The following ANGPT1 variants were observed in gnomAD, a reference collection of about 807,000 sequenced individuals.
The protein encoded by ANGPT1 is angiopoietin-1.
In ANGPT1, 17 loss-of-function variants were observed where a neutral mutation model predicts 62.2. The observed-to-expected ratio is 0.27, with a 90% CI of 0.19 to 0.41. The LOEUF is 0.41. Ranked by LOEUF, ANGPT1 falls within the 10% of genes least tolerant of loss-of-function variation. The pLI, the probability that ANGPT1 is intolerant of heterozygous loss-of-function variation, is 1.00. For missense variants in ANGPT1, 478 were observed against 594.9 expected (o/e 0.80, Z 2.04); for synonymous variants, 199 against 198.9 (o/e 1.00, Z 0.00).
chr8:107,393,122 G>A (rs1816867081), intron 1 of ANGPT1, among the ~76,000 whole-genome samples: 2 of 152,128 alleles, frequency 1.3e-5, no homozygotes, highest in Non-Finnish European at 2.9e-5. Flanking sequence ...CACCAATCAT[G>A]TTACTTTTTC....
Position 107,380,287 on chromosome 8 carries a change from C to T in ANGPT1, c.298-33190G>A, listed in dbSNP as rs1348944852. On this transcript the variant is annotated intron_variant, in intron 1 of 8. Transcript: ENST00000517746. Reference sequence around the variant, plus strand: ...CTATTCACAAGGCAGCAGTTAAAGGCTACATGATATAATCAATCAACTAGT... The same window carrying T: ...CTATTCACAAGGCAGCAGTTAAAGGTTACATGATATAATCAATCAACTAGT... 3.3e-5 allele frequency among the ~76,000 whole-genome samples: 5 copies of T among 151,826 alleles called. No individual in the cohort carries two copies. In the East Asian group the frequency reaches 9.7e-4, roughly 29 times the overall value.
chr8:107,299,580 TATAG>T lies in ANGPT1; in HGVS notation c.936+3656_936+3659del, dbSNP rs1384804611. Among the ~76,000 whole-genome samples the T allele has an allele frequency of 9.0e-4, 128 of 141,536 alleles. 1 individual carries two copies. The East Asian group carries it at 0.019, about 22-fold the overall frequency. The allele number at this position is 141,536 out of a possible 152,430, so 92.9% of individuals were successfully genotyped here. A position where few individuals can be genotyped will look rare whatever the true frequency, so the allele number is the denominator to read the frequency against. ...AGCATATATAGATATATATAGCATATATAGATATAGACAGCAGATATATAGGTAT... is the reference window on the plus strand; with the variant it reads ...AGCATATATAGATATATATAGCATATATATAGACAGCAGATATATAGGTAT... On this transcript the variant is annotated intron_variant, in intron 5 of 8. Transcript: ENST00000517746.
chr8:107,497,381 C>T lies in ANGPT1; in HGVS notation c.178G>A (p.Asp60Asn), dbSNP rs1343921550. ...HDGNCRESTT[D>N]QYNTNALQRD... is the part of the protein sequence containing the mutation. ...TGCAGAGCGTTTGTGTTGTACTGGT[C>T]TGTCGTACTCTCACGACAGTTGCCA... Residue 60 changes from aspartate (D) to asparagine (N), a missense_variant, in exon 1 of 9, where the codon GAC (aspartate) becomes AAC (asparagine). Asp to Asn is a conservative substitution (Grantham distance 23, BLOSUM62 1). Coordinates refer to ENST00000517746, the MANE Select transcript of ANGPT1 (RefSeq NM_001146.5). The T allele has an allele frequency of 6.2e-7, 1 of 1,614,046 alleles. No individual in the cohort carries two copies. Among genetic ancestry groups the T allele is most frequent in the Non-Finnish European group, 8.5e-7 (1 of 1,180,032 alleles).
intron 1 of ANGPT1, among the ~76,000 whole-genome samples, chr8:107,384,423 A>G (rs1816695238): frequency 6.7e-6 from 1 of 149,830 alleles, no homozygotes; most frequent in African/African-American, 2.4e-5. Context: ...AGGATATTAC[A>G]TGTATATGTA....
chr8:107,300,424 C>G (rs1814559564), intron 5 of ANGPT1, among the ~76,000 whole-genome samples: 1 of 151,576 alleles, frequency 6.6e-6, no homozygotes, highest in Non-Finnish European at 1.5e-5. Context: ...GTAAGAGAAT[C>G]TATGATTATA....
intron 1 of ANGPT1, among the ~76,000 whole-genome samples, chr8:107,454,356 T>G (rs908834127): frequency 6.6e-6 from 1 of 152,138 alleles, no homozygotes; most frequent in Non-Finnish European, 1.5e-5. Context: ...ATGCTGCTAT[T>G]GGACAAGACT....
At chr8:107,428,698 C>A (rs4734967) in intron 1 of ANGPT1, among the ~76,000 whole-genome samples, 1 of 151,582 alleles carries the variant, frequency 6.6e-6, no homozygotes, top group South Asian at 2.1e-4. Flanking sequence ...ATCACAGATA[C>A]CTGCCAGTGC....
chr8:107,476,842 G>A (rs1296510942), intron 1 of ANGPT1, among the ~76,000 whole-genome samples: 4 of 152,126 alleles, frequency 2.6e-5, no homozygotes, highest in Non-Finnish European at 5.9e-5. Flanking sequence ...CTTTGATGAA[G>A]ACTTCTGGTT....
At chr8:107,258,226 T>C (rs1813415997) in intron 8 of ANGPT1, among the ~76,000 whole-genome samples, 1 of 152,094 alleles carries the variant, frequency 6.6e-6, no homozygotes, top group Admixed American at 6.5e-5. Context: ...AAAGAGTAGA[T>C]AGAACAAAGG....
chr8:107,375,183 GA>G (rs1402078814), intron 1 of ANGPT1, among the ~76,000 whole-genome samples: 13 of 146,778 alleles, frequency 8.9e-5, no homozygotes, highest in African/African-American at 3.3e-4. Context: ...ACAAACAAAC[GA>G]AAAAAACTAT....
intron 3 of ANGPT1, 26 bp downstream of exon 3, chr8:107,336,124 C>G (rs760971505): frequency 6.3e-7 from 1 of 1,579,162 alleles, no homozygotes; most frequent in East Asian, 2.3e-5. Context: ...CACACAGAAA[C>G]ATTTTTGGAA....
chr8:107,327,454 G>A (rs1303910075), intron 3 of ANGPT1, among the ~76,000 whole-genome samples: 1 of 152,026 alleles, frequency 6.6e-6, no homozygotes, highest in Non-Finnish European at 1.5e-5. Context: ...GCTTAGGTTT[G>A]CATTTTAAAC....
chr8:107,286,445 G>A (rs2130143913), intron 6 of ANGPT1, among the ~76,000 whole-genome samples: 1 of 152,100 alleles, frequency 6.6e-6, no homozygotes, highest in Middle Eastern at 3.4e-3. Flanking sequence ...TTCATGTACT[G>A]TTCTATTTTT....
At chr8:107,416,950 T>G (rs1416521063) in intron 1 of ANGPT1, among the ~76,000 whole-genome samples, 1 of 151,822 alleles carries the variant, frequency 6.6e-6, no homozygotes, top group Non-Finnish European at 1.5e-5. Context: ...CGCCACCATC[T>G]TGGCTAATTT....
chr8:107,273,839 G>A (rs1220835093), intron 7 of ANGPT1, among the ~76,000 whole-genome samples: 1 of 150,430 alleles, frequency 6.6e-6, no homozygotes, highest in African/African-American at 2.4e-5. Context: ...CCCAGGGACT[G>A]TGAGTGTAAA....
chr8:107,320,993 T>C (rs1815137051), intron 4 of ANGPT1, among the ~76,000 whole-genome samples: 1 of 152,116 alleles, frequency 6.6e-6, no homozygotes, highest in African/African-American at 2.4e-5. Context: ...ATGTAAGTGG[T>C]ATTCTCTTTC....
At chr8:107,287,906 T>C (rs931809247) in intron 6 of ANGPT1, among the ~76,000 whole-genome samples, 2 of 152,178 alleles carry the variant, frequency 1.3e-5, no homozygotes, top group African/African-American at 4.8e-5. Flanking sequence ...AACTGAGCAC[T>C]GATAGACAGA....
chr8:107,367,703 C>T (rs73702053), intron 1 of ANGPT1, among the ~76,000 whole-genome samples: 8,928 of 152,178 alleles, frequency 0.059, 863 homozygotes, highest in African/African-American at 0.2. Context: ...ATTCTAAATC[C>T]TCTGTTGTCA....
rs559151877 is a variant in ANGPT1 at position 107,446,497 on chromosome 8, T to C, written c.297+50765A>G. Among the ~76,000 whole-genome samples, 12 of 152,148 alleles carry C rather than the reference T, an allele frequency of 7.9e-5. No individual in the cohort carries two copies. The South Asian group carries it at 2.3e-3, about 29-fold the overall frequency. On this transcript the variant is annotated intron_variant, in intron 1 of 8. Coordinates refer to ENST00000517746, the MANE Select transcript of ANGPT1 (RefSeq NM_001146.5). ...AATTTTCTTGGGGCTATCAGGAAAA[T>C]TGAACAGAATAGTTGACATTGGAAT...
Sources: gnomAD v4.1 joint callset for allele counts (sites outside exome capture counted in the v4.1 genomes callset) on GRCh38, gnomAD v4.1.1 for gene constraint, MANE v1.5 for transcripts, NCBI Gene and HGNC (gene_info 2026-07-23, HGNC 2026-07-21) for gene names.